NDE1: variants seen among roughly 807,000 people sequenced by gnomAD.
NDE1 encodes the protein nudE neurodevelopment protein 1.
Under a neutral mutation model 43.4 loss-of-function variants are expected in NDE1, and 28 were observed. The ratio of observed to expected loss-of-function variants is 0.65; its 90% CI spans 0.48 to 0.89. The LOEUF is 0.89. Among genes scored for constraint, NDE1 ranks in the 40% least tolerant of loss-of-function variants. The probability of loss-of-function intolerance (pLI) is 0.00; values close to 1 mark genes in which losing one functional copy is unlikely to be tolerated. For synonymous variants in NDE1, 184 were observed against 172.0 expected, an observed-to-expected ratio of 1.07 and a Z score of -0.55; for missense variants, 441 against 434.1, an observed-to-expected ratio of 1.02 and a Z score of -0.14.
chr16:15,706,506 G>C (rs966437241), intron 8 of NDE1, among the ~76,000 whole-genome samples: 7 of 152,098 alleles, frequency 4.6e-5, no homozygotes, highest in Non-Finnish European at 7.4e-5. Flanking sequence ...TCAGTTGTTC[G>C]AGGCCATCCT....
intron 5 of NDE1, among the ~76,000 whole-genome samples, chr16:15,688,906 C>T (rs1051866357): frequency 2.6e-5 from 4 of 151,168 alleles, no homozygotes; most frequent in Non-Finnish European, 4.4e-5. Context: ...CCATGTTGGC[C>T]AGGCTGGTCT....
At chr16:15,665,526 C>G (rs1035095066) in intron 2 of NDE1, among the ~76,000 whole-genome samples, 1 of 151,822 alleles carries the variant, frequency 6.6e-6, no homozygotes, top group Non-Finnish European at 1.5e-5. Context: ...CTCACTGCAG[C>G]CTCCACCTCT....
At chr16:15,718,970 A>T (rs892835813) in intron 8 of NDE1, 2 of 505,426 alleles carry the variant, frequency 4.0e-6, no homozygotes, top group Non-Finnish European at 7.1e-6. Flanking sequence ...TCTACTAAAA[A>T]TATAAAAATT....
At chr16:15,651,258 G>T (rs1870878505) in intron 1 of NDE1, among the ~76,000 whole-genome samples, 1 of 152,090 alleles carries the variant, frequency 6.6e-6, no homozygotes, top group Admixed American at 6.6e-5. Context: ...GGCCTTTGCA[G>T]CACGACCTAG....
At chr16:15,686,531 T>A in intron 4 of NDE1, 1 of 985,204 alleles carries the variant, frequency 1.0e-6, no homozygotes, top group East Asian at 1.1e-4. Flanking sequence ...GTGCATCTTA[T>A]GCCTGGCACA....
In NDE1 at chr16:15,724,618, T is replaced by G. The variant is rs138543179; in HGVS notation, c.*367T>G. ...AGCGCAGAGAAGTTGAGAGGACCCATGAAGGAAGCAAGGACACGGGGCAGG... is the reference window on the plus strand; with the variant it reads ...AGCGCAGAGAAGTTGAGAGGACCCAGGAAGGAAGCAAGGACACGGGGCAGG... On this transcript the variant is annotated 3_prime_UTR_variant, in exon 9 of 9. Coordinates refer to ENST00000396354, the MANE Select transcript of NDE1 (RefSeq NM_017668.3). The G allele has an allele frequency of 2.2e-5, 35 of 1,613,182 alleles. No homozygotes were observed. The African/African-American group carries it at 3.5e-4, about 16-fold the overall frequency.
Position 15,664,743 on chromosome 16 carries a change from GC to G in NDE1, c.-34del. On this transcript the variant is annotated 5_prime_UTR_variant, in exon 2 of 9. An upstream open reading frame in the 5' UTR loses its in-frame stop. Coordinates refer to ENST00000396354, the MANE Select transcript of NDE1 (RefSeq NM_017668.3). ...TGAAACCTTCTCTCCTAGACACCAT[GC>G]CACAAGGAGAGTGATCTCTTCCCCT... The G allele has an allele frequency of 6.7e-7, 1 of 1,484,604 alleles. No homozygotes were observed. The highest frequency in any genetic ancestry group is 9.4e-7 in the Non-Finnish European group (1 of 1,062,846). 92.0% of individuals were successfully genotyped at this position (1,484,604 alleles called of 1,614,324 possible).
chr16:15,724,079 A>G (rs2151217697), intron 8 of NDE1, 112 bp from the exon 9 acceptor site: 1 of 1,601,406 alleles, frequency 6.2e-7, no homozygotes, highest in South Asian at 1.1e-5. Context: ...GGCACAGGCC[A>G]GAGCCACGCG....
chr16:15,704,784 G>A (rs2039361018), intron 8 of NDE1, among the ~76,000 whole-genome samples: 1 of 152,204 alleles, frequency 6.6e-6, no homozygotes, highest in Non-Finnish European at 1.5e-5. Flanking sequence ...TACCGCACAT[G>A]GCGTAAAACA....
intron 1 of NDE1, among the ~76,000 whole-genome samples, chr16:15,653,292 G>A (rs945708773): frequency 6.6e-6 from 1 of 152,122 alleles, no homozygotes; most frequent in Non-Finnish European, 1.5e-5. Flanking sequence ...ATGGGTCCTT[G>A]CCTGCCTAAG....
chr16:15,697,652 G>T (rs1175430791), intron 8 of NDE1, among the ~76,000 whole-genome samples: 1 of 152,142 alleles, frequency 6.6e-6, no homozygotes, highest in Non-Finnish European at 1.5e-5. Flanking sequence ...GGCAGAGATT[G>T]CAGTGAGCCA....
At chr16:15,700,306 C>G (rs1413446647) in intron 8 of NDE1, 1 of 169,934 alleles carries the variant, frequency 5.9e-6, no homozygotes, top group Non-Finnish European at 1.2e-5. Context: ...GCCATGTTGC[C>G]CAGTGTGGTC....
rs887595627 is a variant in NDE1 at position 15,721,140 on chromosome 16, C to T, written c.948-3051C>T. ...CACCGTGAGCGGCACCTCAGGAGATCAGGGAGGTGGCTTTGGCCTCCCACA... is the reference window on the plus strand; with the variant it reads ...CACCGTGAGCGGCACCTCAGGAGATTAGGGAGGTGGCTTTGGCCTCCCACA... On this transcript the variant is annotated intron_variant, in intron 8 of 8. Transcript: ENST00000396354. The T allele has an allele frequency of 2.8e-6, 4 of 1,441,206 alleles. No individual in the cohort carries two copies. In the Admixed American group the frequency reaches 5.4e-5, roughly 19 times the overall value. The allele number at this position is 1,441,206 out of a possible 1,614,324, so 89.3% of individuals were successfully genotyped here.
Position 15,708,836 on chromosome 16 carries a change from G to C in NDE1, c.947+11976G>C, listed in dbSNP as rs765030635. 15 of 1,610,184 alleles carry C rather than the reference G, an allele frequency of 9.3e-6. No homozygotes were observed. Among genetic ancestry groups the C allele is most frequent in the Middle Eastern group, 1.7e-4 (1 of 6,056 alleles). On this transcript the variant is annotated intron_variant, in intron 8 of 8. Coordinates refer to ENST00000396354, the MANE Select transcript of NDE1 (RefSeq NM_017668.3). ...TCACTGCGAAGTTTCCTGTGGGGGG[G>C]GCCCTCTGAAACAGAGAGAGAATCC...
chr16:15,720,645 G>A (rs1221700906), intron 8 of NDE1, among the ~76,000 whole-genome samples: 1 of 151,714 alleles, frequency 6.6e-6, no homozygotes, highest in Non-Finnish European at 1.5e-5. Flanking sequence ...CAAGCTACTC[G>A]GGAGGCTGAG....
At position 15,687,399 on chromosome 16, in the gene NDE1, C is replaced by G; in HGVS notation, c.411C>G (p.Asp137Glu). ...GCGCCACGATCATGTCTCTCGAAGA[C>G]TTTGAGCAGCGCTTGAATCAGGCCA... ...AKRATIMSLE[D>E]FEQRLNQAIE... is the part of the protein sequence containing the mutation. The change falls in exon 5 of 9, where the codon GAC becomes GAG. Residue 137 changes from aspartate to glutamate, a missense_variant. By Grantham distance (45) the Asp-to-Glu change is conservative. Coordinates refer to ENST00000396354, the MANE Select transcript of NDE1 (RefSeq NM_017668.3). 6.2e-7 allele frequency: 1 copy of G among 1,614,196 alleles called. No homozygotes were observed. The highest frequency in any genetic ancestry group is 8.5e-7 in the Non-Finnish European group (1 of 1,180,048).
chr16:15,663,155 T>C (rs1024995733), intron 1 of NDE1, among the ~76,000 whole-genome samples: 4 of 152,084 alleles, frequency 2.6e-5, no homozygotes, highest in Non-Finnish European at 5.9e-5. Flanking sequence ...CCAGACTCCC[T>C]CTAGCTCCCC....
chr16:15,694,118 A>G (rs368213651), intron 6 of NDE1, 47 bp from the exon 7 acceptor site: 11 of 1,605,722 alleles, frequency 6.9e-6, no homozygotes, highest in South Asian at 6.7e-5. Flanking sequence ...ACGCACAGAC[A>G]TGACTATAGG....
intron 4 of NDE1, among the ~76,000 whole-genome samples, chr16:15,678,927 T>A (rs1353822211): frequency 6.6e-6 from 1 of 151,690 alleles, no homozygotes; most frequent in Non-Finnish European, 1.5e-5. Flanking sequence ...ATACAAAAAA[T>A]TAGCCGGGCG....
Sources: allele counts gnomAD v4.1 joint callset (sites outside exome capture counted in the v4.1 genomes callset), GRCh38; gene constraint gnomAD v4.1.1; transcripts MANE v1.5; gene names NCBI Gene and HGNC (gene_info 2026-07-23, HGNC 2026-07-21).